Variants in LCOR observed in about 807,000 individuals in gnomAD.
LCOR encodes the protein ligand-dependent corepressor.
In LCOR, 14 loss-of-function variants were observed where a neutral mutation model predicts 64.4. The observed-to-expected ratio is 0.22, with a 90% CI of 0.14 to 0.34. The LOEUF (loss-of-function observed/expected upper bound fraction) is 0.34. LCOR is among the 10% of genes least tolerant of loss of function. LCOR has a pLI of 1.00. For synonymous variants in LCOR, 643 were observed against 642.5 expected (o/e 1.00, Z -0.01); for missense variants, 1,686 against 1,765.3 (o/e 0.96, Z 0.80).
intron 2 of LCOR, among the ~76,000 whole-genome samples, chr10:96,846,551 C>G (rs1845633079): frequency 6.6e-6 from 1 of 152,200 alleles, no homozygotes; most frequent in Non-Finnish European, 1.5e-5. Context: ...CTGTGCCTGT[C>G]TGTACTGGCT....
intron 4 of LCOR, among the ~76,000 whole-genome samples, chr10:96,917,279 A>G (rs181519567): frequency 3.9e-5 from 6 of 152,354 alleles, no homozygotes; most frequent in Non-Finnish European, 5.9e-5. Context: ...GTGTTTGGCC[A>G]GAGAAGATAA....
chr10:96,920,751 T>TACACACACAC lies in LCOR; in HGVS notation c.-184+13035_-184+13044dup, dbSNP rs55839435. 3.5e-3 allele frequency among the ~76,000 whole-genome samples: 421 copies of TACACACACAC among 118,854 alleles called. 1 individual carries two copies. Among genetic ancestry groups the TACACACACAC allele is most frequent in the Middle Eastern group, 8.1e-3 (2 of 248 alleles). 78.0% of individuals were successfully genotyped at this position (118,854 alleles called of 152,430 possible). A position where few individuals can be genotyped will look rare whatever the true frequency, so the allele number is the denominator to read the frequency against. On this transcript the variant is annotated intron_variant, in intron 4 of 7. Coordinates refer to ENST00000421806, the MANE Select transcript of LCOR (RefSeq NM_001346516.2). Reference sequence around the variant, plus strand: ...GTTCATATATATGTGTATATATGTATACACACACACACACACACACACACA... The same window carrying TACACACACAC: ...GTTCATATATATGTGTATATATGTATACACACACACACACACACACACACACACACACACA...
At chr10:96,958,964 T>A (rs1847838242) in intron 7 of LCOR, 1 of 151,802 alleles carries the variant, frequency 6.6e-6, no homozygotes, top group Admixed American at 6.6e-5. Context: ...GATATATATT[T>A]TACCTTATTA....
At position 96,982,741 on chromosome 10, in the gene LCOR, A is replaced by G; in HGVS notation, c.2281A>G (p.Thr761Ala). 6.2e-7 allele frequency: 1 copy of G among 1,614,182 alleles called. No homozygotes were observed. Among genetic ancestry groups the G allele is most frequent in the Non-Finnish European group, 8.5e-7 (1 of 1,180,034 alleles). Reference sequence around the variant, plus strand: ...TTTTACTGATGAAAACCCCAGTGAAACTGAGGAAAGTGAGGCAGCAGGTGG... The same window carrying G: ...TTTTACTGATGAAAACCCCAGTGAAGCTGAGGAAAGTGAGGCAGCAGGTGG... ...STFTDENPSE[T>A]EESEAAGGIG... is the part of the protein sequence containing the mutation. Residue 761 changes from threonine (T) to alanine (A), a missense_variant, in exon 8 of 8, where the codon ACT becomes GCT. By Grantham distance (58) the Thr-to-Ala change is moderately conservative (BLOSUM62 0). This residue lies in a region of LCOR where 1,293 missense variants were observed against 1,410.4 expected (regional missense o/e 0.92). Coordinates refer to ENST00000421806, the MANE Select transcript of LCOR (RefSeq NM_001346516.2).
intron 4 of LCOR, among the ~76,000 whole-genome samples, chr10:96,918,677 A>G (rs920664637): frequency 6.6e-6 from 1 of 152,238 alleles, no homozygotes; most frequent in African/African-American, 2.4e-5. Context: ...GTTACTGGAC[A>G]TTGGTAGGAG....
chr10:96,857,740 C>T (rs957629256), intron 2 of LCOR, among the ~76,000 whole-genome samples: 17 of 152,138 alleles, frequency 1.1e-4, no homozygotes, highest in African/African-American at 4.1e-4. Flanking sequence ...GTAGGGGAAT[C>T]TGTATTTTTA....
intron 4 of LCOR, among the ~76,000 whole-genome samples, chr10:96,933,595 A>G (rs1234099360): frequency 1.3e-5 from 2 of 152,112 alleles, no homozygotes; most frequent in African/African-American, 4.8e-5. Flanking sequence ...ATCTGGGCTC[A>G]CTCAACCTCC....
At chr10:96,905,936 A>G (rs1055193765) in intron 2 of LCOR, among the ~76,000 whole-genome samples, 11 of 152,196 alleles carry the variant, frequency 7.2e-5, no homozygotes, top group African/African-American at 2.7e-4. Flanking sequence ...AATCCCTTAC[A>G]TTACCATCTT....
intron 7 of LCOR, chr10:96,960,204 C>T (rs1395076965): frequency 6.6e-6 from 1 of 152,292 alleles, no homozygotes; most frequent in Non-Finnish European, 1.5e-5. Flanking sequence ...TATCTGTTCT[C>T]CCCCTACCCC....
chr10:96,941,241 AC>A (rs1310892808), intron 4 of LCOR, among the ~76,000 whole-genome samples: 2 of 65,570 alleles, frequency 3.1e-5, no homozygotes, highest in African/African-American at 6.7e-5. Flanking sequence ...CGGGGGGCTG[AC>A]CCCCCCACCT....
intron 2 of LCOR, among the ~76,000 whole-genome samples, chr10:96,863,223 T>G (rs1845918398): frequency 7.2e-6 from 1 of 137,940 alleles, no homozygotes; most frequent in African/African-American, 2.8e-5. Flanking sequence ...TTTTTTTTTG[T>G]GATGGAGTCT....
intron 2 of LCOR, among the ~76,000 whole-genome samples, chr10:96,886,400 GAT>G (rs1336515794): frequency 6.6e-6 from 1 of 152,178 alleles, no homozygotes; most frequent in Non-Finnish European, 1.5e-5. Flanking sequence ...TTCCTTTGAG[GAT>G]CATGACCGTG....
rs1848094895 is a variant in LCOR at position 96,982,192 on chromosome 10, G to A, written c.1732G>A (p.Gly578Arg). Residue 578 changes from glycine (G) to arginine (R), a missense_variant, in exon 8 of 8, where the codon GGA becomes AGA. Transcript: ENST00000421806. ...CAAGGAAATCACCTCTCACGAGGAA[G>A]GAGGTGGAGACGTTTCACCTCGAAA... ...PSKEITSHEE[G>R]GGDVSPRKEP... 3 of 1,614,198 alleles carry A rather than the reference G, an allele frequency of 1.9e-6. No homozygotes were observed. Among genetic ancestry groups the A allele is most frequent in the Non-Finnish European group, 2.5e-6 (3 of 1,180,018 alleles).
chr10:96,973,509 A>C (rs187644604), intron 7 of LCOR, among the ~76,000 whole-genome samples: 467 of 152,290 alleles, frequency 3.1e-3, no homozygotes, highest in Non-Finnish European at 5.0e-3. Context: ...CTATACTTAT[A>C]CTTTCTGTGC....
In LCOR at chr10:96,985,240, G is replaced by A; in HGVS notation, c.*106G>A. 7.4e-7 allele frequency: 1 copy of A among 1,344,060 alleles called. No homozygotes were observed. The highest frequency in any genetic ancestry group is 1.5e-5 in the African/African-American group (1 of 67,932). 83.3% of individuals were successfully genotyped at this position (1,344,060 alleles called of 1,614,324 possible). A position where few individuals can be genotyped will look rare whatever the true frequency, so the allele number is the denominator to read the frequency against. On this transcript the variant is annotated 3_prime_UTR_variant, in exon 8 of 8. Transcript: ENST00000421806. ...GCTTATCAAGCCTTTCAAATTTACAGTTAATGGAGAACACCGTAATTTGAG... is the reference window on the plus strand; with the variant it reads ...GCTTATCAAGCCTTTCAAATTTACAATTAATGGAGAACACCGTAATTTGAG...
chr10:96,972,532 C>T (rs1848007407), intron 7 of LCOR, among the ~76,000 whole-genome samples: 1 of 152,068 alleles, frequency 6.6e-6, no homozygotes, highest in South Asian at 2.1e-4. Flanking sequence ...ATTTTGGCAT[C>T]CTGGGTACAT....
Position 96,882,017 on chromosome 10 carries a change from T to C in LCOR, c.-329-25248T>C, listed in dbSNP as rs567758936. On this transcript the variant is annotated intron_variant, in intron 2 of 7. Coordinates refer to ENST00000421806, the MANE Select transcript of LCOR (RefSeq NM_001346516.2). ...GCTATTCATTTGAGTTTTGTTGTCC[T>C]AGATAAGCAGCTCTCAGACTTGTTG... Among the ~76,000 whole-genome samples the C allele has an allele frequency of 6.6e-5, 10 of 152,372 alleles. No individual in the cohort carries two copies. The South Asian group carries it at 2.1e-3, about 32-fold the overall frequency.
chr10:96,889,274 T>C (rs889563626), intron 2 of LCOR, among the ~76,000 whole-genome samples: 7 of 152,232 alleles, frequency 4.6e-5, no homozygotes, highest in African/African-American at 1.7e-4. Flanking sequence ...ATTTAGCATA[T>C]TTTTGAAGTT....
At chr10:96,833,139 G>T in intron 1 of LCOR, 2 of 985,566 alleles carry the variant, frequency 2.0e-6, no homozygotes, top group South Asian at 4.7e-5. Context: ...ATTTGTGTTC[G>T]GTGTCGTGCT....
Sources: allele counts gnomAD v4.1 joint callset (sites outside exome capture counted in the v4.1 genomes callset), GRCh38; gene constraint gnomAD v4.1.1; regional missense constraint gnomAD v4.1.1; transcripts MANE v1.5; gene names NCBI Gene and HGNC (gene_info 2026-07-23, HGNC 2026-07-21).